Variants in SLC12A8 observed in about 807,000 individuals in gnomAD.
SLC12A8 encodes cation-chloride cotransporter 9.
Under a neutral mutation model 75.6 loss-of-function variants are expected in SLC12A8, and 69 were observed. That is an observed-to-expected ratio of 0.91 (90% CI 0.75 to 1.11). The LOEUF (loss-of-function observed/expected upper bound fraction) is 1.11, where lower values mean the gene tolerates loss of function less well. SLC12A8 is among the 50% of genes most tolerant of loss of function. The pLI is 0.00. For synonymous variants in SLC12A8, 365 were observed against 372.8 expected (o/e 0.98, Z 0.24); for missense variants, 877 against 896.7 (o/e 0.98, Z 0.28).
chr3:125,203,078 G>A (rs1579546125), intron 2 of SLC12A8, among the ~76,000 whole-genome samples: 2 of 90,206 alleles, frequency 2.2e-5, no homozygotes, highest in South Asian at 8.5e-4. Flanking sequence ...ACAAGAGCGA[G>A]ACTTCATCTC....
At chr3:125,204,941 G>C (rs1420762865) in intron 2 of SLC12A8, among the ~76,000 whole-genome samples, 1 of 152,166 alleles carries the variant, frequency 6.6e-6, no homozygotes, top group Admixed American at 6.5e-5. Flanking sequence ...TTCTCAGAGA[G>C]AGCAAAAGGC....
At chr3:125,179,272 C>G (rs1934602127) in intron 4 of SLC12A8, among the ~76,000 whole-genome samples, 4 of 152,146 alleles carry the variant, frequency 2.6e-5, no homozygotes, top group Admixed American at 2.6e-4. Context: ...ATTCTATTAT[C>G]ATGTCATGAA....
At chr3:125,135,903 G>C in intron 5 of SLC12A8, 121 bp from the exon 6 acceptor site, 1 of 527,618 alleles carries the variant, frequency 1.9e-6, no homozygotes, top group Non-Finnish European at 3.3e-6. Context: ...GCATGTATGT[G>C]ACACACAGCG....
chr3:125,180,029 G>GTT (rs5852447), intron 4 of SLC12A8, among the ~76,000 whole-genome samples: 11 of 150,858 alleles, frequency 7.3e-5, no homozygotes, highest in Admixed American at 4.0e-4. Context: ...CTTCCAAACT[G>GTT]TTTTTTTTTT....
intron 10 of SLC12A8, among the ~76,000 whole-genome samples, chr3:125,101,014 C>T (rs577316888): frequency 7.4e-4 from 56 of 75,890 alleles, no homozygotes; most frequent in South Asian, 6.0e-3. Context: ...AGCGAGACTC[C>T]GTCTCAAAAA....
intron 13 of SLC12A8, among the ~76,000 whole-genome samples, chr3:125,086,036 C>G (rs1938452549): frequency 6.6e-6 from 1 of 152,014 alleles, no homozygotes; most frequent in Admixed American, 6.6e-5. Flanking sequence ...TCCTCAGTAC[C>G]TGGGACTATA....
chr3:125,155,750 CAAAAA>C (rs1159877630), intron 5 of SLC12A8, among the ~76,000 whole-genome samples: 1 of 69,452 alleles, frequency 1.4e-5, no homozygotes. Context: ...GACTCTGTCT[CAAAAA>C]AAAAAAAAAA....
chr3:125,173,870 C>T (rs1246505017), intron 5 of SLC12A8, among the ~76,000 whole-genome samples: 1 of 152,162 alleles, frequency 6.6e-6, no homozygotes, highest in Non-Finnish European at 1.5e-5. Context: ...GCGGGTGGAT[C>T]TCTTGAGGCC....
At position 125,108,199 on chromosome 3, in the gene SLC12A8, G is replaced by C. The variant is rs991635985; in HGVS notation, c.1060-73C>G. ...CGCTTCAGAGATTTCAGAAGTTACA[G>C]GCTAGAAACACAACTCATAATGACT... On this transcript the variant is annotated intron_variant, in intron 9 of 13. Coordinates refer to ENST00000469902, the MANE Select transcript of SLC12A8 (RefSeq NM_024628.6). 3 of 1,454,114 alleles carry C rather than the reference G, an allele frequency of 2.1e-6. No homozygotes were observed. The African/African-American group carries it at 4.3e-5, about 21-fold the overall frequency. 90.1% of individuals were successfully genotyped at this position (1,454,114 alleles called of 1,614,324 possible). A position where few individuals can be genotyped will look rare whatever the true frequency, so the allele number is the denominator to read the frequency against.
chr3:125,201,702 GAAAAA>G (rs141256499), intron 2 of SLC12A8, among the ~76,000 whole-genome samples: 2 of 95,572 alleles, frequency 2.1e-5, no homozygotes, highest in African/African-American at 3.7e-5. Flanking sequence ...AGCCATGATT[GAAAAA>G]AAAAAAAAAA....
rs1379141543 is a variant in SLC12A8 at position 125,187,278 on chromosome 3, G to A, written c.349C>T (p.Gln117Ter). The A allele has an allele frequency of 6.2e-7, 1 of 1,614,188 alleles. No individual in the cohort carries two copies. The highest frequency in any genetic ancestry group is 8.5e-7 in the Non-Finnish European group (1 of 1,180,026). Residue 117 changes from glutamine (Q) to a stop codon, truncating the protein, a stop_gained, in exon 4 of 14, where the codon CAG (glutamine) becomes TAG (stop). Transcript: ENST00000469902. LOFTEE classifies it high-confidence loss of function. ...AGCAGCCCGATGGTGCCTCCCGTCT[G>A]CCCACCCAGGACCGAGGAGATCATG... Reference protein sequence around the residue: ...YSMISSVLGGQTGGTIGLLYV... With the variant: ...YSMISSVLGG
chr3:125,194,976 G>A (rs1480266608), intron 2 of SLC12A8, among the ~76,000 whole-genome samples: 1 of 152,214 alleles, frequency 6.6e-6, no homozygotes, highest in Non-Finnish European at 1.5e-5. Context: ...TTGAGAGCTG[G>A]GCCGGGCGCC....
intron 5 of SLC12A8, among the ~76,000 whole-genome samples, chr3:125,141,347 C>G (rs1440585218): frequency 1.3e-5 from 2 of 152,232 alleles, no homozygotes; most frequent in Admixed American, 1.3e-4. Flanking sequence ...GGCCCACCAT[C>G]TGCTCCCAAG....
intron 2 of SLC12A8, among the ~76,000 whole-genome samples, chr3:125,191,278 C>T (rs1007645770): frequency 2.0e-5 from 3 of 152,138 alleles, no homozygotes; most frequent in African/African-American, 7.2e-5. Flanking sequence ...TCACAAATAA[C>T]AAAGGCACTT....
rs375034589 is a variant in SLC12A8, at chr3:125,107,937, C to T, written c.1249G>A (p.Glu417Lys). The change falls in exon 10 of 14, where the codon GAG (glutamate) becomes AAG (lysine). Residue 417 changes from glutamate to lysine, a missense_variant. Coordinates refer to ENST00000469902, the MANE Select transcript of SLC12A8 (RefSeq NM_024628.6). ...TCTGCGCCCTCCCTGAGCACCGGCT[C>T]AGGCACCGGGGTCAGGCTGCAGGAA... ...MCSCSLTPVP[E>K]PVLREGAEGL... The T allele has an allele frequency of 1.2e-4, 186 of 1,614,190 alleles. 1 individual carries two copies. Among genetic ancestry groups the T allele is most frequent in the Middle Eastern group, 9.9e-4 (6 of 6,062 alleles).
At chr3:125,157,764 C>T (rs996934222) in intron 5 of SLC12A8, among the ~76,000 whole-genome samples, 1 of 152,198 alleles carries the variant, frequency 6.6e-6, no homozygotes, top group Non-Finnish European at 1.5e-5. Flanking sequence ...GAAGACATCT[C>T]AGAAACCCCA....
chr3:125,187,089 C>T, intron 4 of SLC12A8, 148 bp downstream of exon 4: 1 of 737,056 alleles, frequency 1.4e-6, no homozygotes, highest in Non-Finnish European at 2.2e-6. Flanking sequence ...TGACTCTCTG[C>T]TGAATTCCCT....
At chr3:125,135,927 G>A in intron 5 of SLC12A8, 145 bp from the exon 6 acceptor site, 1 of 478,380 alleles carries the variant, frequency 2.1e-6, no homozygotes. Context: ...GAGCGGGTCT[G>A]CAGAACCATC....
chr3:125,197,868 T>G (rs2107800272), intron 2 of SLC12A8, among the ~76,000 whole-genome samples: 1 of 152,322 alleles, frequency 6.6e-6, no homozygotes, highest in Non-Finnish European at 1.5e-5. Context: ...GAATCATCAA[T>G]GGATGCTAAT....
Sources: gnomAD v4.1 joint callset for allele counts (sites outside exome capture counted in the v4.1 genomes callset) on GRCh38, gnomAD v4.1.1 for gene constraint, MANE v1.5 for transcripts, NCBI Gene and HGNC (gene_info 2026-07-23, HGNC 2026-07-21) for gene names.